Variants in SDR9C7 observed in about 807,000 individuals in gnomAD.
SDR9C7 encodes the protein short-chain dehydrogenase/reductase family 9C member 7.
A neutral mutation model predicts 23.6 loss-of-function variants in SDR9C7; 11 were observed. The ratio of observed to expected loss-of-function variants is 0.47; its 90% CI spans 0.29 to 0.77. The LOEUF (loss-of-function observed/expected upper bound fraction) is 0.77, where lower values mean the gene tolerates loss of function less well. Ranked by LOEUF, SDR9C7 falls within the 30% of genes least tolerant of loss-of-function variation. SDR9C7 has a pLI of 0.09. For missense variants in SDR9C7, 387 were observed against 407.1 expected, an observed-to-expected ratio of 0.95 and a Z score of 0.42; for synonymous variants, 167 against 157.3, an observed-to-expected ratio of 1.06 and a Z score of -0.46.
Position 56,934,323 on chromosome 12 carries a change from G to T in SDR9C7, c.-62C>A. The T allele has an allele frequency of 1.4e-6, 2 of 1,447,124 alleles. No homozygotes were observed. The highest frequency in any genetic ancestry group is 1.3e-5 in the South Asian group (1 of 79,256). 89.6% of individuals were successfully genotyped at this position (1,447,124 alleles called of 1,614,324 possible). A position where few individuals can be genotyped will look rare whatever the true frequency, so the allele number is the denominator to read the frequency against. On this transcript the variant is annotated 5_prime_UTR_variant, in exon 1 of 4. Coordinates refer to ENST00000293502, the MANE Select transcript of SDR9C7 (RefSeq NM_148897.3). ...CTCAGGAGACAGCAGGGAAGAAGCT[G>T]GTCCTCTGAGCCCTAGCAGGCAGTC...
intron 3 of SDR9C7, among the ~76,000 whole-genome samples, chr12:56,928,294 GTCCCTAC>G (rs1955747135): frequency 6.6e-6 from 1 of 152,070 alleles, no homozygotes; most frequent in African/African-American, 2.4e-5. Context: ...CAGAAAAAAA[GTCCCTAC>G]GCATCCCCTC....
At chr12:56,933,874 A>T in intron 1 of SDR9C7, 87 bp downstream of exon 1, 1 of 1,464,274 alleles carries the variant, frequency 6.8e-7, no homozygotes. Flanking sequence ...TCTGGACATC[A>T]GGGTCTCTGA....
At chr12:56,929,343 A>T in intron 3 of SDR9C7, 47 bp downstream of exon 3, 1 of 1,576,126 alleles carries the variant, frequency 6.3e-7, no homozygotes, top group Non-Finnish European at 8.7e-7. Flanking sequence ...TGACCCCAAG[A>T]CCCACTCGCC....
At chr12:56,930,171 C>A (rs1310477627) in intron 2 of SDR9C7, 55 bp downstream of exon 2, 92 of 1,592,116 alleles carry the variant, frequency 5.8e-5, no homozygotes, top group Middle Eastern at 1.8e-4. Flanking sequence ...ACTCCCAACC[C>A]TCTCTAATCT....
chr12:56,924,094 T>C (rs1315514236), intron 3 of SDR9C7, 44 bp from the exon 4 acceptor site: 1 of 1,364,010 alleles, frequency 7.3e-7, no homozygotes, highest in Non-Finnish European at 1.0e-6. Flanking sequence ...TTATTCTTCA[T>C]AAAAGATGGC....
chr12:56,930,622 GGAA>G, intron 1 of SDR9C7, 138 bp from the exon 2 acceptor site: 1 of 974,806 alleles, frequency 1.0e-6, no homozygotes, highest in Non-Finnish European at 1.5e-6. Context: ...TAACATAAAA[GGAA>G]GGTGTGTCTT....
intron 3 of SDR9C7, among the ~76,000 whole-genome samples, chr12:56,924,387 C>T (rs1423099398): frequency 6.6e-6 from 1 of 151,934 alleles, no homozygotes; most frequent in African/African-American, 2.4e-5. Context: ...CGAGGTCACA[C>T]CACTGCACTC....
chr12:56,928,397 C>T (rs1425920285), intron 3 of SDR9C7, among the ~76,000 whole-genome samples: 3 of 152,192 alleles, frequency 2.0e-5, no homozygotes, highest in Admixed American at 6.5e-5. Context: ...TGAATTGGGA[C>T]CGCAACTTCC....
chr12:56,926,943 C>G (rs1482512286), intron 3 of SDR9C7, among the ~76,000 whole-genome samples: 1 of 152,228 alleles, frequency 6.6e-6, no homozygotes, highest in Non-Finnish European at 1.5e-5. Flanking sequence ...TCCATTATAG[C>G]AAGATTCTTC....
At chr12:56,927,114 C>T (rs1219870293) in intron 3 of SDR9C7, among the ~76,000 whole-genome samples, 1 of 152,164 alleles carries the variant, frequency 6.6e-6, no homozygotes, top group Non-Finnish European at 1.5e-5. Context: ...TGAAAATTTT[C>T]CTCTGAAATT....
At position 56,924,012 on chromosome 12, in the gene SDR9C7, G is replaced by A; in HGVS notation, c.763C>T (p.Pro255Ser). The A allele has an allele frequency of 6.2e-7, 1 of 1,613,886 alleles. No individual in the cohort carries two copies. Among genetic ancestry groups the A allele is most frequent in the Non-Finnish European group, 8.5e-7 (1 of 1,179,894 alleles). Residue 255 changes from proline to serine, a missense_variant, in exon 4 of 4, where the codon CCC becomes TCC. Transcript: ENST00000293502. ...CTGTTGATGACATCTCTGACTCTGG[G>A]CTCTGCCACCTGCATTATGTTTTTT... ...KLKNIMQVAE[P>S]RVRDVINSME...
At chr12:56,930,547 C>T in intron 1 of SDR9C7, 63 bp from the exon 2 acceptor site, 1 of 1,572,112 alleles carries the variant, frequency 6.4e-7, no homozygotes. Flanking sequence ...AAGTTCTGCT[C>T]CCCACCGGCT....
chr12:56,930,119 G>A, intron 2 of SDR9C7, 107 bp downstream of exon 2: 1 of 1,334,810 alleles, frequency 7.5e-7, no homozygotes, highest in Non-Finnish European at 1.0e-6. Flanking sequence ...CTGCTATTGT[G>A]TTAGCTTCCT....
At chr12:56,925,932 T>C (rs1012380722) in intron 3 of SDR9C7, among the ~76,000 whole-genome samples, 5 of 152,208 alleles carry the variant, frequency 3.3e-5, no homozygotes, top group African/African-American at 1.2e-4. Flanking sequence ...ACCCCAGACA[T>C]GGGGAATGGT....
At chr12:56,926,610 T>C (rs898698212) in intron 3 of SDR9C7, among the ~76,000 whole-genome samples, 1 of 152,258 alleles carries the variant, frequency 6.6e-6, no homozygotes, top group African/African-American at 2.4e-5. Flanking sequence ...TTTGCATTTC[T>C]GTTTAATTCT....
chr12:56,923,890 G>C lies in SDR9C7; in HGVS notation c.885C>G (p.Thr295=). ...GGCTTAGGATGAAATCTGTCACAGG[G>C]GTGGGCAACTTAGCCAGAGGGATGT... ...LLYIPLAKLP[T]PVTDFILSRY... The change falls in exon 4 of 4, where the codon ACC becomes ACG. Residue 295 remains threonine (T), a synonymous_variant. Transcript: ENST00000293502. The C allele has an allele frequency of 6.2e-7, 1 of 1,614,110 alleles. No individual in the cohort carries two copies. The highest frequency in any genetic ancestry group is 8.5e-7 in the Non-Finnish European group (1 of 1,180,000).
At chr12:56,929,602 C>T in intron 2 of SDR9C7, 49 bp from the exon 3 acceptor site, 4 of 1,579,046 alleles carry the variant, frequency 2.5e-6, no homozygotes, top group Non-Finnish European at 3.5e-6. Flanking sequence ...TGACAATCAT[C>T]ACGGAGAGTC....
intron 1 of SDR9C7, among the ~76,000 whole-genome samples, chr12:56,932,388 A>G (rs1955773504): frequency 6.6e-6 from 1 of 152,172 alleles, no homozygotes; most frequent in Admixed American, 6.5e-5. Flanking sequence ...CTGCCTCTGG[A>G]AGCTGGAAAA....
In SDR9C7 at chr12:56,934,112, C is replaced by T. The variant is rs375516495; in HGVS notation, c.150G>A (p.Met50Ile). 2.5e-5 allele frequency: 41 copies of T among 1,614,136 alleles called. No homozygotes were observed. Among genetic ancestry groups the T allele is most frequent in the Non-Finnish European group, 3.5e-5 (41 of 1,180,056 alleles). Residue 50 changes from methionine to isoleucine, a missense_variant, in exon 1 of 4, where the codon ATG becomes ATA. Transcript: ENST00000293502. ...LLAKQLVDRG[M>I]QVLAACFTEE... Reference sequence around the variant, plus strand: ...CAGTGAAGCAAGCAGCCAGCACCTGCATGCCCCGATCAACCAGCTGTTTGG... The same window carrying T: ...CAGTGAAGCAAGCAGCCAGCACCTGTATGCCCCGATCAACCAGCTGTTTGG...
Sources: gnomAD v4.1 joint callset for allele counts (sites outside exome capture counted in the v4.1 genomes callset) on GRCh38, gnomAD v4.1.1 for gene constraint, MANE v1.5 for transcripts, NCBI Gene and HGNC (gene_info 2026-07-23, HGNC 2026-07-21) for gene names.